CSMD1: variants seen among roughly 807,000 people sequenced by gnomAD.
CSMD1 encodes the protein CUB and sushi domain-containing protein 1.
Under a neutral mutation model 417.5 loss-of-function variants are expected in CSMD1, and 213 were observed. That is an observed-to-expected ratio of 0.51 (90% CI 0.46 to 0.57). The LOEUF is 0.57. Among genes scored for constraint, CSMD1 ranks in the 20% least tolerant of loss-of-function variants. The probability of loss-of-function intolerance (pLI) is 0.00; values close to 1 mark genes in which losing one functional copy is unlikely to be tolerated. For missense variants in CSMD1, 6,923 were observed against 4,529.7 expected (o/e 1.53, Z -15.17); for synonymous variants, 2,862 against 1,736.8 (o/e 1.65, Z -16.11).
chr8:3,543,546 T>A (rs1798532078), intron 10 of CSMD1, among the ~76,000 whole-genome samples: 1 of 151,198 alleles, frequency 6.6e-6, no homozygotes, highest in Non-Finnish European at 1.5e-5. Context: ...TGATGGAAAA[T>A]GAACAGAGTG....
intron 3 of CSMD1, among the ~76,000 whole-genome samples, chr8:4,140,140 C>A (rs548909734): frequency 6.6e-6 from 1 of 150,766 alleles, no homozygotes; most frequent in Non-Finnish European, 1.5e-5. Context: ...ATTCCTTGAG[C>A]CCAGGGGTTT....
At chr8:4,868,200 C>A (rs555991805) in intron 1 of CSMD1, among the ~76,000 whole-genome samples, 1 of 152,044 alleles carries the variant, frequency 6.6e-6, no homozygotes, top group Non-Finnish European at 1.5e-5. Context: ...TAGAAAAATG[C>A]CTGAGCCTAC....
intron 6 of CSMD1, among the ~76,000 whole-genome samples, chr8:3,709,316 G>T (rs1211692289): frequency 6.6e-6 from 1 of 152,120 alleles, no homozygotes; most frequent in African/African-American, 2.4e-5. Context: ...TACAGCAGCT[G>T]CGAGCAGGCA....
rs577648789 is a variant in CSMD1 at position 4,124,442 on chromosome 8, C to A, written c.416-92343G>T. On this transcript the variant is annotated intron_variant, in intron 3 of 69. Coordinates refer to ENST00000635120, the MANE Select transcript of CSMD1 (RefSeq NM_033225.6). ...CCCTTTAGTGTAGAAGGGAGGAAAC[C>A]CACGAAGCTGCAGATGGCCACTGTG... Among the ~76,000 whole-genome samples, 105 of 152,248 alleles carry A rather than the reference C, an allele frequency of 6.9e-4. No homozygotes were observed. In the South Asian group the frequency reaches 0.021, roughly 31 times the overall value.
chr8:4,272,077 G>A (rs1804635628), intron 3 of CSMD1, among the ~76,000 whole-genome samples: 1 of 152,076 alleles, frequency 6.6e-6, no homozygotes, highest in South Asian at 2.1e-4. Flanking sequence ...AACCTGCACT[G>A]TTCAACTATC....
intron 2 of CSMD1, among the ~76,000 whole-genome samples, chr8:4,636,397 G>A (rs532823959): frequency 3.3e-5 from 5 of 152,184 alleles, no homozygotes; most frequent in Admixed American, 6.5e-5. Context: ...AACAAATTAC[G>A]AATAGATTGT....
chr8:3,149,409 TTTG>T (rs945474224), intron 40 of CSMD1, among the ~76,000 whole-genome samples: 18 of 152,208 alleles, frequency 1.2e-4, no homozygotes, highest in South Asian at 4.1e-4. Flanking sequence ...GTTTCACTTT[TTTG>T]TTGTTGTTGT....
intron 1 of CSMD1, among the ~76,000 whole-genome samples, chr8:4,747,834 TTCA>T (rs549620501): frequency 1.7e-3 from 263 of 152,310 alleles, no homozygotes; most frequent in Non-Finnish European, 3.4e-3. Context: ...AATGTCTCTA[TTCA>T]TCAACTGTTC....
chr8:4,450,048 A>G (rs919956350), intron 2 of CSMD1, among the ~76,000 whole-genome samples: 17 of 152,128 alleles, frequency 1.1e-4, no homozygotes, highest in African/African-American at 4.1e-4. Context: ...ACTGGGTTCC[A>G]CTTTTCTCCC....
intron 1 of CSMD1, 115 bp downstream of exon 1, chr8:4,994,217 G>C (rs1422713022): frequency 1.1e-6 from 1 of 874,266 alleles, no homozygotes; most frequent in African/African-American, 1.7e-5. Flanking sequence ...ATGGAGCAGC[G>C]CCGGGCAGAG....
chr8:3,600,109 G>C lies in CSMD1; in HGVS notation c.1098-13849C>G, dbSNP rs17066550. ...AAGAAAAGTCTAGCAGGTAAAGAGA[G>C]CGAGGAATTAATTTAAGACACACAC... On this transcript the variant is annotated intron_variant, in intron 8 of 69. Transcript: ENST00000635120. Among the ~76,000 whole-genome samples, 200 of 152,326 alleles carry C rather than the reference G, an allele frequency of 1.3e-3. No individual in the cohort carries two copies. The East Asian group carries it at 0.029, about 22-fold the overall frequency.
intron 3 of CSMD1, among the ~76,000 whole-genome samples, chr8:4,050,322 G>A (rs879299292): frequency 3.9e-5 from 6 of 152,066 alleles, no homozygotes; most frequent in Admixed American, 1.3e-4. Context: ...TACGAAAGGA[G>A]GCTAGTTATA....
chr8:3,824,070 T>C (rs557650900), intron 5 of CSMD1, among the ~76,000 whole-genome samples: 7 of 152,276 alleles, frequency 4.6e-5, no homozygotes, highest in Non-Finnish European at 1.0e-4. Context: ...TCCTGGTGAT[T>C]TGTAGAAAAC....
intron 8 of CSMD1, among the ~76,000 whole-genome samples, chr8:3,611,538 A>C (rs139147264): frequency 6.6e-6 from 1 of 152,244 alleles, no homozygotes; most frequent in African/African-American, 2.4e-5. Context: ...AAATGACAAA[A>C]TTTGAGCCCA....
intron 26 of CSMD1, among the ~76,000 whole-genome samples, chr8:3,252,396 A>G (rs996616677): frequency 2.0e-5 from 3 of 152,236 alleles, no homozygotes; most frequent in African/African-American, 7.2e-5. Context: ...CCAGCCTTGC[A>G]TCCCAGGGAT....
At chr8:3,896,867 C>T (rs542078571) in intron 5 of CSMD1, among the ~76,000 whole-genome samples, 5 of 151,842 alleles carry the variant, frequency 3.3e-5, no homozygotes, top group East Asian at 1.9e-4. Flanking sequence ...TTTTAAAAAG[C>T]GCTTGTCTAT....
At chr8:3,249,431 C>G (rs1452615421) in intron 26 of CSMD1, among the ~76,000 whole-genome samples, 1 of 152,138 alleles carries the variant, frequency 6.6e-6, no homozygotes, top group Non-Finnish European at 1.5e-5. Flanking sequence ...ACCATGTTGG[C>G]CAGGCTGGCC....
chr8:3,963,931 CAGAAGAAAA>C (rs1322934682), intron 5 of CSMD1, among the ~76,000 whole-genome samples: 1 of 152,110 alleles, frequency 6.6e-6, no homozygotes, highest in Non-Finnish European at 1.5e-5. Context: ...TCCTCCCTTT[CAGAAGAAAA>C]AGAAGAAAAA....
intron 12 of CSMD1, among the ~76,000 whole-genome samples, chr8:3,446,191 G>GA (rs1243334503): frequency 6.7e-6 from 1 of 150,106 alleles, no homozygotes; most frequent in Non-Finnish European, 1.5e-5. Context: ...GGATGAGGGA[G>GA]AAAAAAATCG....
Sources: gnomAD v4.1 joint callset for allele counts (sites outside exome capture counted in the v4.1 genomes callset) on GRCh38, gnomAD v4.1.1 for gene constraint, MANE v1.5 for transcripts, NCBI Gene and HGNC (gene_info 2026-07-23, HGNC 2026-07-21) for gene names.